The following MYO9A variants were observed in gnomAD, a reference collection of about 807,000 sequenced individuals.
MYO9A encodes unconventional myosin-IXa.
Under a neutral mutation model 293.3 loss-of-function variants are expected in MYO9A, and 103 were observed. That is an observed-to-expected ratio of 0.35 (90% CI 0.30 to 0.41). The LOEUF (loss-of-function observed/expected upper bound fraction) is 0.41, where lower values mean the gene tolerates loss of function less well. Among genes scored for constraint, MYO9A ranks in the 10% least tolerant of loss-of-function variants. MYO9A has a pLI of 1.00. For missense variants in MYO9A, 2,685 were observed against 3,033.0 expected, an observed-to-expected ratio of 0.89 and a Z score of 2.69; for synonymous variants, 1,001 against 1,035.7, an observed-to-expected ratio of 0.97 and a Z score of 0.64.
At chr15:71,892,447 GACCAAGGATCAGTAAACTAA>G (rs1401912440) in intron 26 of MYO9A, 1 of 152,228 alleles carries the variant, frequency 6.6e-6, no homozygotes. Flanking sequence ...GATTATTTTA[GACCAAGGATCAGTAAACTAA>G]ACCACGGATC....
intron 39 of MYO9A, among the ~76,000 whole-genome samples, chr15:71,843,072 T>A (rs1279158283): frequency 5.3e-5 from 8 of 152,124 alleles, no homozygotes; most frequent in Non-Finnish European, 1.0e-4. Context: ...TGAAACTATT[T>A]ATGTCTGATG....
chr15:71,899,009 C>T lies in MYO9A; in HGVS notation c.3494G>A (p.Arg1165Lys), dbSNP rs1244016403. The T allele has an allele frequency of 2.5e-6, 4 of 1,608,706 alleles. No individual in the cohort carries two copies. Among genetic ancestry groups the T allele is most frequent in the Non-Finnish European group, 3.4e-6 (4 of 1,177,270 alleles). The change falls in exon 25 of 42, where the codon AGG (arginine) becomes AAG (lysine). Residue 1165 changes from arginine to lysine, a missense_variant. This residue lies in a region of MYO9A where 1,434 missense variants were observed against 1,497.7 expected (regional missense o/e 0.96). Coordinates refer to ENST00000356056, the MANE Select transcript of MYO9A (RefSeq NM_006901.4). ...RQRFKALKEQRLRETKPEVGL... is the reference protein window; with the variant it reads ...RQRFKALKEQKLRETKPEVGL... ...AACTTCTGGCTTTGTTTCTCTTAGC[C>T]TTTGTTCTTTTAAAGCTTTAAATCT...
At chr15:72,101,829 C>G (rs1410403289) in intron 1 of MYO9A, among the ~76,000 whole-genome samples, 2 of 52,188 alleles carry the variant, frequency 3.8e-5, no homozygotes, top group African/African-American at 5.3e-5. Flanking sequence ...CGGGGTCAGC[C>G]CCCCGCCCGG....
chr15:71,882,324 T>C (rs528346418), intron 28 of MYO9A, among the ~76,000 whole-genome samples: 1 of 152,294 alleles, frequency 6.6e-6, no homozygotes, highest in Admixed American at 6.5e-5. Flanking sequence ...CAGGCATACC[T>C]GAGAAAAGGG....
intron 25 of MYO9A, 151 bp downstream of exon 25, chr15:71,897,310 G>A: frequency 1.2e-6 from 1 of 802,254 alleles, no homozygotes; most frequent in Non-Finnish European, 2.0e-6. Flanking sequence ...TTCAGGTGAT[G>A]GTAGAGTCAA....
At chr15:71,883,573 C>A in intron 28 of MYO9A, 21 bp downstream of exon 28, 1 of 1,599,946 alleles carries the variant, frequency 6.3e-7, no homozygotes, top group Non-Finnish European at 8.5e-7. Context: ...AACACAAGTT[C>A]CACCCTTTGG....
At chr15:72,051,052 G>GT (rs2078545544) in intron 1 of MYO9A, among the ~76,000 whole-genome samples, 1 of 152,020 alleles carries the variant, frequency 6.6e-6, no homozygotes. Flanking sequence ...TTGTTGTTTT[G>GT]TTTTGTTTTT....
chr15:72,117,938 A>G lies in MYO9A; in HGVS notation c.-330T>C. ...ACCCCGCCCAGAGAGCACGCGTTGGACCGCCGCCTCAACCGCTGCCAGCGG... is the reference window on the plus strand; with the variant it reads ...ACCCCGCCCAGAGAGCACGCGTTGGGCCGCCGCCTCAACCGCTGCCAGCGG... On this transcript the variant is annotated 5_prime_UTR_variant, in exon 1 of 42. Coordinates refer to ENST00000356056, the MANE Select transcript of MYO9A (RefSeq NM_006901.4). 2.5e-6 allele frequency: 1 copy of G among 400,960 alleles called. No homozygotes were observed. Among genetic ancestry groups the G allele is most frequent in the Non-Finnish European group, 4.4e-6 (1 of 228,204 alleles). The allele number at this position is 400,960 out of a possible 1,614,324, so 24.8% of individuals were successfully genotyped here.
chr15:72,017,095 G>A (rs888454318), intron 6 of MYO9A, among the ~76,000 whole-genome samples: 4 of 131,082 alleles, frequency 3.1e-5, no homozygotes, highest in South Asian at 2.5e-4. Context: ...ATCTTGTCTC[G>A]CTGTAGCCTC....
intron 32 of MYO9A, among the ~76,000 whole-genome samples, chr15:71,869,848 A>C (rs1371888755): frequency 6.6e-6 from 1 of 152,192 alleles, no homozygotes; most frequent in Non-Finnish European, 1.5e-5. Context: ...TCATTCAATT[A>C]AACATTTATA....
At chr15:72,103,951 T>C (rs1350702059) in intron 1 of MYO9A, among the ~76,000 whole-genome samples, 1 of 152,212 alleles carries the variant, frequency 6.6e-6, no homozygotes, top group Non-Finnish European at 1.5e-5. Context: ...ATATTCACTT[T>C]ATTATTTCCC....
At chr15:72,089,914 C>T (rs776855449) in intron 1 of MYO9A, among the ~76,000 whole-genome samples, 16 of 152,188 alleles carry the variant, frequency 1.1e-4, no homozygotes, top group Non-Finnish European at 2.1e-4. Context: ...GTATCAAAAA[C>T]TGTATTGTGC....
At chr15:71,904,327 C>T (rs2057568118) in intron 20 of MYO9A, among the ~76,000 whole-genome samples, 1 of 152,142 alleles carries the variant, frequency 6.6e-6, no homozygotes, top group Admixed American at 6.6e-5. Context: ...CCCACAGAGG[C>T]CACATAGTCC....
At chr15:72,010,565 T>C in intron 6 of MYO9A, 118 bp from the exon 7 acceptor site, 2 of 792,238 alleles carry the variant, frequency 2.5e-6, no homozygotes, top group South Asian at 2.0e-5. Context: ...AAATTAGAGC[T>C]GGTAGAATAG....
At chr15:72,050,967 G>A (rs2078543016) in intron 1 of MYO9A, among the ~76,000 whole-genome samples, 1 of 152,124 alleles carries the variant, frequency 6.6e-6, no homozygotes, top group South Asian at 2.1e-4. Flanking sequence ...TATTTTTCTT[G>A]TAGTCTTCCT....
At chr15:71,909,854 C>T (rs1319604745) in intron 19 of MYO9A, among the ~76,000 whole-genome samples, 1 of 151,970 alleles carries the variant, frequency 6.6e-6, no homozygotes, top group African/African-American at 2.4e-5. Context: ...ATACATAGGG[C>T]TTGGCACAGT....
intron 1 of MYO9A, among the ~76,000 whole-genome samples, chr15:72,048,294 G>C (rs2078451721): frequency 6.6e-6 from 1 of 151,730 alleles, no homozygotes; most frequent in Admixed American, 6.6e-5. Context: ...AGCTACTCAG[G>C]GGCCTGAGGC....
intron 19 of MYO9A, among the ~76,000 whole-genome samples, chr15:71,913,648 C>A (rs565538261): frequency 6.6e-6 from 1 of 152,012 alleles, no homozygotes; most frequent in Admixed American, 6.6e-5. Context: ...CTTGTAATTT[C>A]TCATCGGATG....
At chr15:72,107,161 C>T (rs1420660222) in intron 1 of MYO9A, among the ~76,000 whole-genome samples, 1 of 152,154 alleles carries the variant, frequency 6.6e-6, no homozygotes, top group Non-Finnish European at 1.5e-5. Context: ...TAAGAATTAT[C>T]AAGATGATAT....
Sources: allele counts gnomAD v4.1 joint callset (sites outside exome capture counted in the v4.1 genomes callset), GRCh38; gene constraint gnomAD v4.1.1; regional missense constraint gnomAD v4.1.1; transcripts MANE v1.5; gene names NCBI Gene and HGNC (gene_info 2026-07-23, HGNC 2026-07-21).